TG: variants seen among roughly 807,000 people sequenced by gnomAD.
TG encodes the protein thyroid hormones.
Under a neutral mutation model 324.7 loss-of-function variants are expected in TG, and 270 were observed. The ratio of observed to expected loss-of-function variants is 0.83; its 90% CI spans 0.75 to 0.92. The LOEUF (loss-of-function observed/expected upper bound fraction) is 0.92, where lower values mean the gene tolerates loss of function less well. TG is among the 40% of genes least tolerant of loss of function. The pLI, the probability that TG is intolerant of heterozygous loss-of-function variation, is 0.00. For missense variants in TG, 3,591 were observed against 3,456.4 expected (o/e 1.04, Z -0.98); for synonymous variants, 1,401 against 1,327.0 (o/e 1.06, Z -1.21).
intron 45 of TG, among the ~76,000 whole-genome samples, chr8:133,122,171 A>G (rs1000163008): frequency 1.3e-5 from 2 of 152,224 alleles, no homozygotes; most frequent in African/African-American, 4.8e-5. Context: ...TAAACTGATC[A>G]CAGAATAGTG....
At chr8:133,041,337 A>C (rs529695114) in intron 41 of TG, among the ~76,000 whole-genome samples, 9 of 152,220 alleles carry the variant, frequency 5.9e-5, no homozygotes, top group Non-Finnish European at 1.3e-4. Flanking sequence ...GTAGCAGAAG[A>C]AGCACACTCA....
Position 132,906,887 on chromosome 8 carries a change from C to T in TG, c.3834C>T (p.Pro1278=), listed in dbSNP as rs1410678610. The T allele has an allele frequency of 1.9e-6, 3 of 1,612,150 alleles. No individual in the cohort carries two copies. Among genetic ancestry groups the T allele is most frequent in the Non-Finnish European group, 2.5e-6 (3 of 1,179,350 alleles). ...GCTGGGAGTCACAGCTGCCTCAGCCCCGGGCCTGCCAACGTGAGTGGCATC... is the reference window on the plus strand; with the variant it reads ...GCTGGGAGTCACAGCTGCCTCAGCCTCGGGCCTGCCAACGTGAGTGGCATC... ...SGRWESQLPQ[P]RACQRPQLWQ... Residue 1278 remains proline, a synonymous_variant, in exon 17 of 48, where the codon CCC becomes CCT. Coordinates refer to ENST00000220616, the MANE Select transcript of TG (RefSeq NM_003235.5).
rs117143413 is a variant in TG at position 132,914,496 on chromosome 8, A to G, written c.4378+1231A>G. On this transcript the variant is annotated intron_variant, in intron 20 of 47. Transcript: ENST00000220616. ...TCCTAACACAGAAAACAGAAAGACA[A>G]CCACTTCCCACTAGCATTTATGGAG... Among the ~76,000 whole-genome samples, 218 of 152,364 alleles carry G rather than the reference A, an allele frequency of 1.4e-3. 4 individuals carry two copies. The East Asian group carries it at 0.039, about 27-fold the overall frequency.
chr8:133,007,253 G>T (rs530068316), intron 35 of TG, among the ~76,000 whole-genome samples: 8 of 152,180 alleles, frequency 5.3e-5, no homozygotes, highest in African/African-American at 1.9e-4. Flanking sequence ...CGGGAGAAGG[G>T]GGAGGAGAGG....
chr8:133,115,347 C>T (rs1028288749), intron 44 of TG, among the ~76,000 whole-genome samples: 4 of 152,150 alleles, frequency 2.6e-5, no homozygotes, highest in African/African-American at 9.7e-5. Context: ...CACCCGAGGC[C>T]TGCCAGTGCG....
intron 41 of TG, among the ~76,000 whole-genome samples, chr8:133,080,471 C>T (rs967441576): frequency 1.3e-5 from 2 of 152,108 alleles, no homozygotes; most frequent in African/African-American, 4.8e-5. Flanking sequence ...ATTGGGTCTT[C>T]CCACGTCCCA....
intron 18 of TG, among the ~76,000 whole-genome samples, chr8:132,910,592 A>AG (rs1490626054): frequency 8.4e-6 from 1 of 118,864 alleles, no homozygotes; most frequent in African/African-American, 2.5e-5. Flanking sequence ...CTTATAAAAG[A>AG]GACCCAGAGA....
rs1850425037 is a variant in TG, at chr8:133,113,404, A to G, written c.7573-18A>G. ...TCAGAATCCAACTGAGGAATTTCGT[A>G]TCTTTTTTTTTTTCTAGCAATTTGA... On this transcript the variant is annotated intron_variant, in intron 43 of 47. Coordinates refer to ENST00000220616, the MANE Select transcript of TG (RefSeq NM_003235.5). 2.5e-6 allele frequency: 4 copies of G among 1,611,192 alleles called. No homozygotes were observed. The highest frequency in any genetic ancestry group is 3.4e-6 in the Non-Finnish European group (4 of 1,177,646).
chr8:132,949,932 A>G (rs1422136376), intron 27 of TG, among the ~76,000 whole-genome samples: 2 of 152,182 alleles, frequency 1.3e-5, no homozygotes, highest in African/African-American at 2.4e-5. Flanking sequence ...GGACTGGCCA[A>G]CCATGTACCA....
chr8:132,916,360 G>T (rs1820288721), intron 20 of TG, among the ~76,000 whole-genome samples: 1 of 152,222 alleles, frequency 6.6e-6, no homozygotes, highest in African/African-American at 2.4e-5. Flanking sequence ...CTGCCTCCAA[G>T]TTCTTTGTTC....
chr8:133,063,028 T>C (rs748907930), intron 41 of TG, among the ~76,000 whole-genome samples: 3 of 152,202 alleles, frequency 2.0e-5, no homozygotes, highest in Admixed American at 6.5e-5. Context: ...TTGTCTATCA[T>C]CACCGAGGCC....
At chr8:133,096,082 C>T in intron 42 of TG, 124 bp from the exon 43 acceptor site, 1 of 1,268,116 alleles carries the variant, frequency 7.9e-7, no homozygotes, top group Non-Finnish European at 1.1e-6. Flanking sequence ...GTCCTGGTCA[C>T]TTTTTCTCAG....
intron 41 of TG, among the ~76,000 whole-genome samples, chr8:133,056,343 A>G (rs1841443478): frequency 6.6e-6 from 1 of 152,226 alleles, no homozygotes; most frequent in African/African-American, 2.4e-5. Flanking sequence ...CAAATAGAAA[A>G]AAGGGATCTG....
At position 132,923,431 on chromosome 8, in the gene TG, C is replaced by G; in HGVS notation, c.4622C>G (p.Ala1541Gly). ...CAGAAGGACAGGGGCAGTGGGAAGG[C>G]CTTCTGTGTGGACGGCGAGGGGCGG... is the stretch of plus-strand genomic sequence containing the variant. The part of the protein sequence containing the change: ...ASQKDRGSGK[A>G]FCVDGEGRRL... The change falls in exon 22 of 48, where the codon GCC (alanine) becomes GGC (glycine). Residue 1541 changes from alanine (A) to glycine (G), a missense_variant. Coordinates refer to ENST00000220616, the MANE Select transcript of TG (RefSeq NM_003235.5). 6.2e-7 allele frequency: 1 copy of G among 1,614,032 alleles called. No individual in the cohort carries two copies. Among genetic ancestry groups the G allele is most frequent in the Non-Finnish European group, 8.5e-7 (1 of 1,180,020 alleles).
chr8:132,996,078 G>A (rs1486968821), intron 35 of TG, among the ~76,000 whole-genome samples: 2 of 152,188 alleles, frequency 1.3e-5, no homozygotes, highest in Non-Finnish European at 2.9e-5. Flanking sequence ...TCTGGATGAA[G>A]TCCCTGGCAG....
chr8:133,093,630 T>A (rs573593419), intron 41 of TG, among the ~76,000 whole-genome samples: 1 of 152,230 alleles, frequency 6.6e-6, no homozygotes, highest in East Asian at 1.9e-4. Context: ...TGCACTTGTG[T>A]TTTTCCTTGC....
At chr8:133,008,928 C>G (rs928590895) in intron 35 of TG, among the ~76,000 whole-genome samples, 2 of 152,186 alleles carry the variant, frequency 1.3e-5, no homozygotes, top group Non-Finnish European at 2.9e-5. Context: ...AGAGTTTGTT[C>G]TCAGAATTTT....
At chr8:132,932,496 A>G (rs1352189946) in intron 23 of TG, among the ~76,000 whole-genome samples, 1 of 152,216 alleles carries the variant, frequency 6.6e-6, no homozygotes, top group African/African-American at 2.4e-5. Flanking sequence ...CCATCTCTAA[A>G]TTTACCTCTT....
intron 41 of TG, among the ~76,000 whole-genome samples, chr8:133,091,723 T>A (rs1379023683): frequency 6.6e-6 from 1 of 152,052 alleles, no homozygotes; most frequent in Non-Finnish European, 1.5e-5. Flanking sequence ...TATGTGAGTG[T>A]GTGTCTATGT....
Sources: allele counts gnomAD v4.1 joint callset (sites outside exome capture counted in the v4.1 genomes callset), GRCh38; gene constraint gnomAD v4.1.1; transcripts MANE v1.5; gene names NCBI Gene and HGNC (gene_info 2026-07-23, HGNC 2026-07-21).